Variants in HABP4 observed in about 807,000 individuals in gnomAD.
HABP4 encodes hyaluronan binding protein 4, also known as intracellular hyaluronan-binding protein 4.
HABP4 carries 32 observed loss-of-function variants against 44.1 expected under a neutral mutation model. That is an observed-to-expected ratio of 0.73 (90% CI 0.55 to 0.97). The LOEUF (loss-of-function observed/expected upper bound fraction) is 0.97. HABP4 is among the 50% of genes least tolerant of loss of function. HABP4 has a pLI of 0.00. For missense variants in HABP4, 503 were observed against 561.9 expected (o/e 0.90, Z 1.06); for synonymous variants, 216 against 218.0 (o/e 0.99, Z 0.08).
intron 4 of HABP4, among the ~76,000 whole-genome samples, chr9:96,467,628 C>G (rs1832625790): frequency 6.6e-6 from 1 of 150,780 alleles, no homozygotes; most frequent in Non-Finnish European, 1.5e-5. Flanking sequence ...CAGGTTCAAG[C>G]AATTCTCTTG....
At chr9:96,470,741 A>G (rs943064555) in intron 4 of HABP4, among the ~76,000 whole-genome samples, 1 of 151,536 alleles carries the variant, frequency 6.6e-6, no homozygotes, top group African/African-American at 2.4e-5. Context: ...CAAAAATACA[A>G]AAAAAATTAG....
At position 96,488,528 on chromosome 9, in the gene HABP4, G is replaced by A. The variant is rs566768796; in HGVS notation, c.1185+254G>A. 1.3e-5 allele frequency among the ~76,000 whole-genome samples: 2 copies of A among 152,240 alleles called. No individual in the cohort carries two copies. The highest frequency in any genetic ancestry group is 2.1e-4 in the South Asian group (1 of 4,828). ...ATCAGAGAGAAACTCACTGTCACCC[G>A]CATTAGACAAGATCCCCAGGCTTGG... On this transcript the variant is annotated intron_variant, in intron 7 of 7. Coordinates refer to ENST00000375249, the MANE Select transcript of HABP4 (RefSeq NM_014282.4). The surrounding 1 kb of genome is among the most constrained non-coding windows in gnomAD (Gnocchi z 4.6).
At chr9:96,466,000 A>G (rs923566432) in intron 4 of HABP4, among the ~76,000 whole-genome samples, 1 of 152,226 alleles carries the variant, frequency 6.6e-6, no homozygotes, top group Admixed American at 6.5e-5. Flanking sequence ...ACTTTAGCCA[A>G]ACAAATTTGT....
Position 96,450,208 on chromosome 9 carries a change from G to C in HABP4, c.-72G>C, listed in dbSNP as rs1428156736. 1.6e-6 allele frequency: 2 copies of C among 1,269,754 alleles called. No individual in the cohort carries two copies. Among genetic ancestry groups the C allele is most frequent in the Non-Finnish European group, 2.0e-6 (2 of 1,002,086 alleles). 78.7% of individuals were successfully genotyped at this position (1,269,754 alleles called of 1,614,324 possible). On this transcript the variant is annotated 5_prime_UTR_variant, in exon 1 of 8. Transcript: ENST00000375249. The surrounding 1 kb of genome is among the most constrained non-coding windows in gnomAD (Gnocchi z 4.8). ...GGTGGCGGCGGAGCGGGCGGCATGG[G>C]TCCTGGCCGCCGGCTTCGCTGAGAC...
chr9:96,451,125 G>A (rs996644529), intron 1 of HABP4, among the ~76,000 whole-genome samples: 6 of 152,204 alleles, frequency 3.9e-5, no homozygotes, highest in Admixed American at 3.9e-4. Flanking sequence ...GTGACGTCGG[G>A]GCCCGGGCGG....
chr9:96,450,643 C>T lies in HABP4; in HGVS notation c.349+15C>T, dbSNP rs1221024959. 1 of 1,260,022 alleles carries T rather than the reference C, an allele frequency of 7.9e-7. No individual in the cohort carries two copies. 78.1% of individuals were successfully genotyped at this position (1,260,022 alleles called of 1,614,324 possible). A position where few individuals can be genotyped will look rare whatever the true frequency, so the allele number is the denominator to read the frequency against. On this transcript the variant is annotated intron_variant, in intron 1 of 7. Coordinates refer to ENST00000375249, the MANE Select transcript of HABP4 (RefSeq NM_014282.4). This position sits in a 1 kb window ranked among gnomAD's most constrained non-coding sequence, Gnocchi z 4.8. ...GCAGGCGCCGGGTACGCGGGGACAG[C>T]GGGGTTAGCGGACCACGGCTCGGCC... is the stretch of plus-strand genomic sequence containing the variant.
chr9:96,465,299 T>C (rs1217767459), intron 2 of HABP4, 38 bp from the exon 3 acceptor site: 3 of 1,436,490 alleles, frequency 2.1e-6, no homozygotes, highest in Middle Eastern at 1.8e-4. Context: ...CCTTAGACCT[T>C]TAATTTACCA....
intron 2 of HABP4, among the ~76,000 whole-genome samples, chr9:96,465,084 T>C (rs1832576434): frequency 6.6e-6 from 1 of 152,202 alleles, no homozygotes; most frequent in Non-Finnish European, 1.5e-5. Flanking sequence ...TCTGCTTCCG[T>C]TTCCTCATCT....
At chr9:96,456,643 C>T (rs1195106035) in intron 1 of HABP4, among the ~76,000 whole-genome samples, 1 of 149,992 alleles carries the variant, frequency 6.7e-6, no homozygotes, top group African/African-American at 2.5e-5. Context: ...GCCTATAGTC[C>T]CAGCTACTGG....
At chr9:96,471,579 A>G (rs920684354) in intron 5 of HABP4, among the ~76,000 whole-genome samples, 13 of 152,284 alleles carry the variant, frequency 8.5e-5, no homozygotes, top group South Asian at 2.1e-4. Flanking sequence ...ATGAATATCA[A>G]TGATAATTAA....
intron 1 of HABP4, chr9:96,451,474 A>C (rs1355863584): frequency 1.0e-6 from 1 of 985,002 alleles, no homozygotes; most frequent in Admixed American, 6.1e-5. Context: ...GAAATGAGGC[A>C]GCGGTCCCAA....
chr9:96,486,790 G>A (rs1257464621), intron 6 of HABP4, among the ~76,000 whole-genome samples: 1 of 152,050 alleles, frequency 6.6e-6, no homozygotes, highest in African/African-American at 2.4e-5. Flanking sequence ...CTCGCGTAAG[G>A]CACTGGGCGG....
rs539180646 is a variant in HABP4, at chr9:96,477,939, A to G, written c.828-6523A>G. On this transcript the variant is annotated intron_variant, in intron 5 of 7. Transcript: ENST00000375249. ...TAGTTTGCAGTTGCTATAATTTTAT[A>G]TGAATGGAATCATGCAGCTTGTATT... 7.2e-5 allele frequency among the ~76,000 whole-genome samples: 11 copies of G among 152,286 alleles called. No homozygotes were observed. The East Asian group carries it at 1.2e-3, about 16-fold the overall frequency.
intron 1 of HABP4, among the ~76,000 whole-genome samples, chr9:96,457,219 A>G (rs1832409488): frequency 6.6e-6 from 1 of 152,070 alleles, no homozygotes; most frequent in African/African-American, 2.4e-5. Context: ...ATACAACATT[A>G]GCCAGGCGTG....
At chr9:96,470,843 C>G (rs547505930) in intron 4 of HABP4, among the ~76,000 whole-genome samples, 168 bp from the exon 5 acceptor site, 1 of 149,114 alleles carries the variant, frequency 6.7e-6, no homozygotes, top group Non-Finnish European at 1.5e-5. Context: ...TGCACTGATC[C>G]GAGATTGCAC....
At chr9:96,463,420 A>C (rs1051876132) in intron 2 of HABP4, among the ~76,000 whole-genome samples, 4 of 152,052 alleles carry the variant, frequency 2.6e-5, no homozygotes, top group African/African-American at 9.7e-5. Flanking sequence ...ACGGCCGGCT[A>C]ATTTTTGTAT....
intron 1 of HABP4, among the ~76,000 whole-genome samples, chr9:96,456,749 G>A (rs1157770699): frequency 4.6e-5 from 4 of 86,258 alleles, no homozygotes; most frequent in Non-Finnish European, 6.1e-5. Flanking sequence ...AACAGAGCAA[G>A]ACTCCATCTC....
chr9:96,454,960 T>A (rs190657323), intron 1 of HABP4, among the ~76,000 whole-genome samples: 126 of 150,122 alleles, frequency 8.4e-4, no homozygotes, highest in African/African-American at 2.7e-3. Flanking sequence ...AAAAAAAAAT[T>A]TTTTTTTTAA....
chr9:96,452,911 GTTTTT>G (rs71368266), intron 1 of HABP4, among the ~76,000 whole-genome samples: 1 of 63,146 alleles, frequency 1.6e-5, no homozygotes, highest in Non-Finnish European at 2.8e-5. Flanking sequence ...ATGGAAAAGG[GTTTTT>G]TTTTTTTTTT....
Sources: gnomAD v4.1 joint callset for allele counts (sites outside exome capture counted in the v4.1 genomes callset) on GRCh38, gnomAD v4.1.1 for gene constraint, Gnocchi (gnomAD v3.1) non-coding constraint, MANE v1.5 for transcripts, NCBI Gene and HGNC (gene_info 2026-07-23, HGNC 2026-07-21) for gene names.